The following CC2D1A variants were observed in gnomAD, a reference collection of about 807,000 sequenced individuals.
The protein encoded by CC2D1A is coiled-coil and C2 domain containing 1A.
A neutral mutation model predicts 123.8 loss-of-function variants in CC2D1A; 68 were observed. That is an observed-to-expected ratio of 0.55 (90% confidence interval 0.45 to 0.67). CC2D1A has a LOEUF of 0.67. CC2D1A is among the 30% of genes least tolerant of loss of function. CC2D1A has a pLI of 0.00. For missense variants in CC2D1A, 1,185 were observed against 1,290.3 expected (o/e 0.92, Z 1.25); for synonymous variants, 477 against 528.0 (o/e 0.90, Z 1.32).
At chr19:13,913,675 G>T (rs1455193080) in intron 6 of CC2D1A, 37 bp downstream of exon 6, 3 of 1,483,790 alleles carry the variant, frequency 2.0e-6, no homozygotes, top group Non-Finnish European at 2.7e-6. Flanking sequence ...TATGGGATCC[G>T]AGTGGGCCAT....
At chr19:13,922,889 A>G (rs1046508790) in intron 14 of CC2D1A, among the ~76,000 whole-genome samples, 1 of 152,152 alleles carries the variant, frequency 6.6e-6, no homozygotes, top group Non-Finnish European at 1.5e-5. Flanking sequence ...GGACAATGGA[A>G]GGATCAAGAA....
chr19:13,916,066 GGCC>G (rs1438885209), intron 6 of CC2D1A, among the ~76,000 whole-genome samples: 1 of 151,972 alleles, frequency 6.6e-6, no homozygotes, highest in Non-Finnish European at 1.5e-5. Context: ...GACCAGCCCT[GGCC>G]AACATGGTGA....
intron 6 of CC2D1A, among the ~76,000 whole-genome samples, chr19:13,915,820 T>G (rs1220103525): frequency 6.6e-6 from 1 of 152,026 alleles, no homozygotes; most frequent in East Asian, 2.0e-4. Flanking sequence ...GAGCAAGATC[T>G]TATCTCTAAA....
Position 13,926,765 on chromosome 19 carries a change from T to C in CC2D1A, c.2073+40T>C, listed in dbSNP as rs1383193704. The C allele has an allele frequency of 3.7e-6, 6 of 1,613,900 alleles. No individual in the cohort carries two copies. In the African/African-American group the frequency reaches 6.7e-5, roughly 18 times the overall value. Reference sequence around the variant, plus strand: ...GAGGAGGGGAGGGCTGCAGCCTCAGTGGGCCAAAGCCAGGTCCCAGGCCCC... The same window carrying C: ...GAGGAGGGGAGGGCTGCAGCCTCAGCGGGCCAAAGCCAGGTCCCAGGCCCC... On this transcript the variant is annotated intron_variant, in intron 19 of 28. Transcript: ENST00000318003.
chr19:13,917,096 C>T (rs1469211318), intron 6 of CC2D1A, among the ~76,000 whole-genome samples: 2 of 152,176 alleles, frequency 1.3e-5, no homozygotes, highest in Non-Finnish European at 2.9e-5. Context: ...ATCATGTTAG[C>T]ATAAATTTCT....
At chr19:13,919,233 G>T in intron 11 of CC2D1A, 31 bp downstream of exon 11, 1 of 1,556,268 alleles carries the variant, frequency 6.4e-7, no homozygotes, top group East Asian at 2.3e-5. Context: ...CCTCGCCCCA[G>T]TAGGCCCCGC....
intron 2 of CC2D1A, among the ~76,000 whole-genome samples, chr19:13,910,633 A>G (rs1389026428): frequency 1.3e-5 from 2 of 151,978 alleles, no homozygotes; most frequent in African/African-American, 4.8e-5. Flanking sequence ...CATGTCAGCC[A>G]GGCACATTGG....
chr19:13,918,417 C>A, intron 7 of CC2D1A, 87 bp from the exon 8 acceptor site: 4 of 1,323,866 alleles, frequency 3.0e-6, no homozygotes, highest in Admixed American at 2.4e-5. Flanking sequence ...TAGAAGTCCT[C>A]GGTGGCATGG....
rs1971317611 is a variant in CC2D1A at position 13,919,189 on chromosome 19, G to A, written c.1209G>A (p.Leu403=). ...KAGRAVDVAE[L]PVPPGFPPIQ... ...GCCGAGCCGTGGATGTCGCTGAATT[G>A]CCCGTGCCCCCAGGTAGGCCTTGCC... The change falls in exon 11 of 29, where the codon TTG becomes TTA. Residue 403 remains leucine, a synonymous_variant. Coordinates refer to ENST00000318003, the MANE Select transcript of CC2D1A (RefSeq NM_017721.5). 6.2e-7 allele frequency: 1 copy of A among 1,612,340 alleles called. No homozygotes were observed. The highest frequency in any genetic ancestry group is 8.5e-7 in the Non-Finnish European group (1 of 1,179,354).
Position 13,930,742 on chromosome 19 carries a change from C to T in CC2D1A, c.*347C>T, listed in dbSNP as rs939257534. On this transcript the variant is annotated 3_prime_UTR_variant, in exon 29 of 29. Transcript: ENST00000318003. The surrounding 1 kb of genome is among the most constrained non-coding windows in gnomAD (Gnocchi z 6.8). ...ACTTTACTTCCTGTTCCTCCCCAGC[C>T]TTAACCCCAAAGCCCTCCTGCACCC... 7 of 400,792 alleles carry T rather than the reference C, an allele frequency of 1.7e-5. No individual in the cohort carries two copies. The highest frequency in any genetic ancestry group is 1.4e-4 in the African/African-American group (7 of 48,850). 24.8% of individuals were successfully genotyped at this position (400,792 alleles called of 1,614,324 possible).
Position 13,926,545 on chromosome 19 carries a change from A to G in CC2D1A, c.1969A>G (p.Met657Val), listed in dbSNP as rs763194652. ...CTTCCCTGACCTCAGCAGCAACGACATGCTCCTCTTCATCGTGAAGGGCAT... is the reference window on the plus strand; with the variant it reads ...CTTCCCTGACCTCAGCAGCAACGACGTGCTCCTCTTCATCGTGAAGGGCAT... ...KIFPDLSSND[M>V]LLFIVKGINL... Residue 657 changes from methionine to valine, a missense_variant, in exon 18 of 29, where the codon ATG (methionine) becomes GTG (valine). Physicochemically the swap from Met to Val is conservative, Grantham distance 21. Coordinates refer to ENST00000318003, the MANE Select transcript of CC2D1A (RefSeq NM_017721.5). The G allele has an allele frequency of 3.7e-6, 6 of 1,613,904 alleles. No individual in the cohort carries two copies. The Admixed American group carries it at 1.0e-4, about 27-fold the overall frequency.
intron 6 of CC2D1A, among the ~76,000 whole-genome samples, chr19:13,913,861 C>G (rs1048191637): frequency 3.9e-5 from 6 of 152,094 alleles, no homozygotes; most frequent in Non-Finnish European, 8.8e-5. Context: ...AAATATAGAT[C>G]ACATTTGCCA....
rs758835584 is a variant in CC2D1A, at chr19:13,920,562, C to T, written c.1362C>T (p.Asn454=). ...TCCTCTCTCTTCCTCTACAGCAGAA[C>T]AGCCCTGTGGCCCCCACAGCCCAGC... ...DEEDEVPKKQ[N]SPVAPTAQPK... The change falls in exon 13 of 29, where the codon AAC becomes AAT. Residue 454 remains asparagine (N), a synonymous_variant. Transcript: ENST00000318003. 17 of 1,581,040 alleles carry T rather than the reference C, an allele frequency of 1.1e-5. No individual in the cohort carries two copies. Among genetic ancestry groups the T allele is most frequent in the Admixed American group, 3.4e-5 (2 of 58,880 alleles).
At chr19:13,928,829 C>G (rs1167741782) in intron 24 of CC2D1A, among the ~76,000 whole-genome samples, 1 of 151,760 alleles carries the variant, frequency 6.6e-6, no homozygotes, top group East Asian at 1.9e-4. Context: ...CTGCCTCAGC[C>G]TCCTGAGTAG....
intron 22 of CC2D1A, 96 bp from the exon 23 acceptor site, chr19:13,927,785 AAAAAAAAAAACC>A: frequency 8.4e-7 from 1 of 1,189,852 alleles, no homozygotes; most frequent in Non-Finnish European, 1.2e-6. Flanking sequence ...CTATCTCAGA[AAAAAAAAAAACC>A]AAAAAAAAAA....
chr19:13,923,434 G>A lies in CC2D1A; in HGVS notation c.1743G>A (p.Lys581=). 1 of 1,614,036 alleles carries A rather than the reference G, an allele frequency of 6.2e-7. No individual in the cohort carries two copies. Among genetic ancestry groups the A allele is most frequent in the Non-Finnish European group, 8.5e-7 (1 of 1,180,002 alleles). Residue 581 remains lysine, a synonymous_variant, in exon 15 of 29, where the codon AAG becomes AAA. Transcript: ENST00000318003. This position sits in a 1 kb window ranked among gnomAD's most constrained non-coding sequence, Gnocchi z 5.3. ...EAARRYGELT[K]LIRQQHEMCL... is the part of the protein sequence containing the mutation. ...CCCGGCGCTATGGTGAACTCACCAA[G>A]CTCATACGGCAGCAGCACGAGGTGA... is the stretch of plus-strand genomic sequence containing the variant.
Position 13,920,853 on chromosome 19 carries a change from G to A in CC2D1A, c.1572G>A (p.Leu524=). ...ACGTGGAGGGTGCCAAGATGCACCTGCGCCAAGCCAAGGGACTGGAGCCTA... is the reference window on the plus strand; with the variant it reads ...ACGTGGAGGGTGCCAAGATGCACCTACGCCAAGCCAAGGGACTGGAGCCTA... ...KNDVEGAKMH[L]RQAKGLEPML... Residue 524 remains leucine, a synonymous_variant, in exon 14 of 29, where the codon CTG becomes CTA. Coordinates refer to ENST00000318003, the MANE Select transcript of CC2D1A (RefSeq NM_017721.5). 1 of 1,614,116 alleles carries A rather than the reference G, an allele frequency of 6.2e-7. No homozygotes were observed. Among genetic ancestry groups the A allele is most frequent in the Non-Finnish European group, 8.5e-7 (1 of 1,180,026 alleles).
rs559898844 is a variant in CC2D1A at position 13,920,919 on chromosome 19, C to T, written c.1638C>T (p.Thr546=). 1 of 1,611,130 alleles carries T rather than the reference C, an allele frequency of 6.2e-7. No homozygotes were observed. Among genetic ancestry groups the T allele is most frequent in the South Asian group, 1.1e-5 (1 of 90,832 alleles). Residue 546 remains threonine, a synonymous_variant, in exon 14 of 29, where the codon ACC becomes ACT. Coordinates refer to ENST00000318003, the MANE Select transcript of CC2D1A (RefSeq NM_017721.5). ...ASRNGLPVDI[T]KVPPAPVNKD... is the part of the protein sequence containing the mutation. ...GCAATGGGCTGCCTGTGGACATCACCAAGGTGAACCTTCTGGGCTTGTGGG... is the reference window on the plus strand; with the variant it reads ...GCAATGGGCTGCCTGTGGACATCACTAAGGTGAACCTTCTGGGCTTGTGGG...
intron 22 of CC2D1A, chr19:13,927,511 G>T (rs982878769): frequency 3.0e-5 from 16 of 526,852 alleles, no homozygotes; most frequent in East Asian, 2.0e-4. Context: ...AGGCATGGTG[G>T]CTCATGCCTG....
Sources: gnomAD v4.1 joint callset for allele counts (sites outside exome capture counted in the v4.1 genomes callset) on GRCh38, gnomAD v4.1.1 for gene constraint, Gnocchi (gnomAD v3.1) non-coding constraint, MANE v1.5 for transcripts, NCBI Gene and HGNC (gene_info 2026-07-23, HGNC 2026-07-21) for gene names.